ZNF385D: variants seen among roughly 807,000 people sequenced by gnomAD.
The protein encoded by ZNF385D is zinc finger protein 385D.
A neutral mutation model predicts 35.8 loss-of-function variants in ZNF385D; 15 were observed. The ratio of observed to expected loss-of-function variants is 0.42; its 90% CI spans 0.28 to 0.64. ZNF385D has a LOEUF of 0.64. ZNF385D is among the 30% of genes least tolerant of loss of function. The pLI is 0.23. For missense variants in ZNF385D, 474 were observed against 494.6 expected (o/e 0.96, Z 0.39); for synonymous variants, 212 against 186.8 (o/e 1.13, Z -1.10).
intron 3 of ZNF385D, among the ~76,000 whole-genome samples, chr3:22,130,609 G>C (rs539568771): frequency 6.6e-6 from 1 of 152,094 alleles, no homozygotes; most frequent in African/African-American, 2.4e-5. Flanking sequence ...CAATTTCCCA[G>C]TGAAAACTTC....
At chr3:22,064,967 A>G (rs574425169) in intron 3 of ZNF385D, among the ~76,000 whole-genome samples, 17 of 152,316 alleles carry the variant, frequency 1.1e-4, no homozygotes, top group African/African-American at 3.6e-4. Flanking sequence ...GCCATGCACA[A>G]ATTATATTAT....
chr3:22,030,580 G>C (rs957037445), intron 3 of ZNF385D, among the ~76,000 whole-genome samples: 2 of 151,680 alleles, frequency 1.3e-5, no homozygotes, highest in African/African-American at 4.8e-5. Context: ...GAACAGCATG[G>C]AGGAAACCAT....
intron 2 of ZNF385D, among the ~76,000 whole-genome samples, chr3:22,315,439 G>T (rs1389663): frequency 0.35 from 52,993 of 152,034 alleles, 9,790 homozygotes; most frequent in Non-Finnish European, 0.41. Context: ...GATGAGCTAC[G>T]CAGAGAATAG....
At chr3:21,592,712 G>A (rs17009100) in intron 2 of ZNF385D, among the ~76,000 whole-genome samples, 29,128 of 152,078 alleles carry the variant, frequency 0.19, 3,121 homozygotes, top group African/African-American at 0.29. Context: ...GGCAACTTCT[G>A]TTTTAGGAAT....
intron 3 of ZNF385D, among the ~76,000 whole-genome samples, chr3:21,884,077 G>C (rs1050493751): frequency 1.3e-5 from 2 of 151,984 alleles, no homozygotes; most frequent in Non-Finnish European, 2.9e-5. Context: ...GGTTTGCAAA[G>C]AAAAGGGAGA....
chr3:21,853,659 A>C (rs1696533292), intron 3 of ZNF385D, among the ~76,000 whole-genome samples: 1 of 151,762 alleles, frequency 6.6e-6, no homozygotes, highest in African/African-American at 2.4e-5. Context: ...TGGAAGAATG[A>C]ATTTTGAGCC....
At chr3:21,616,814 T>C (rs1051158623) in intron 2 of ZNF385D, among the ~76,000 whole-genome samples, 2 of 152,190 alleles carry the variant, frequency 1.3e-5, no homozygotes, top group Non-Finnish European at 2.9e-5. Flanking sequence ...AGATGAAAAT[T>C]ACTAACACAG....
intron 2 of ZNF385D, among the ~76,000 whole-genome samples, chr3:22,192,787 G>A (rs954316455): frequency 3.3e-5 from 5 of 152,100 alleles, no homozygotes; most frequent in African/African-American, 1.2e-4. Flanking sequence ...AGATGGGGGT[G>A]GAATTCTGCC....
At chr3:22,283,575 T>C (rs572430798) in intron 2 of ZNF385D, among the ~76,000 whole-genome samples, 1 of 152,278 alleles carries the variant, frequency 6.6e-6, no homozygotes, top group African/African-American at 2.4e-5. Context: ...CCAGAATATA[T>C]AAAGCTGAAA....
At chr3:21,773,873 G>A (rs530783240) in intron 3 of ZNF385D, among the ~76,000 whole-genome samples, 1 of 151,956 alleles carries the variant, frequency 6.6e-6, no homozygotes, top group African/African-American at 2.4e-5. Flanking sequence ...ATTCCTCAAA[G>A]ACCTAGAGGC....
Position 21,817,684 on chromosome 3 carries a change from G to A in ZNF385D, c.326-152656C>T, listed in dbSNP as rs2125723930. ...AAAAAGTTGGGAAACAACAGGTGCTGGAGAGGATGTGGAGAAATAGGAACA... is the reference window on the plus strand; with the variant it reads ...AAAAAGTTGGGAAACAACAGGTGCTAGAGAGGATGTGGAGAAATAGGAACA... On this transcript the variant is annotated intron_variant, in intron 3 of 5. Coordinates refer to the ZNF385D transcript ENST00000494108. 1.3e-5 allele frequency among the ~76,000 whole-genome samples: 2 copies of A among 152,300 alleles called. 1 individual carries two copies. Among genetic ancestry groups the A allele is most frequent in the East Asian group, 3.9e-4 (2 of 5,170 alleles).
At chr3:22,274,162 A>T (rs1701313188) in intron 2 of ZNF385D, among the ~76,000 whole-genome samples, 1 of 151,894 alleles carries the variant, frequency 6.6e-6, no homozygotes, top group South Asian at 2.1e-4. Context: ...TCTTCCCTCC[A>T]TTTTTAGTTC....
chr3:21,880,783 C>A (rs896633972), intron 3 of ZNF385D, among the ~76,000 whole-genome samples: 4 of 151,702 alleles, frequency 2.6e-5, no homozygotes, highest in African/African-American at 9.7e-5. Flanking sequence ...GTTGTGAACG[C>A]AAAGGAAAAC....
chr3:21,683,586 C>A (rs2066985141), intron 1 of ZNF385D, among the ~76,000 whole-genome samples: 1 of 149,322 alleles, frequency 6.7e-6, no homozygotes, highest in African/African-American at 2.5e-5. Flanking sequence ...CACTGCACTC[C>A]AGCCTGGGTG....
intron 2 of ZNF385D, among the ~76,000 whole-genome samples, chr3:22,171,868 C>A (rs1694468519): frequency 8.4e-6 from 1 of 119,126 alleles, no homozygotes; most frequent in Non-Finnish European, 1.6e-5. Context: ...CAGAGCAAGA[C>A]TCGGTCTCAA....
rs562979154 is a variant in ZNF385D, at chr3:22,192,088, A to T, written c.107-23053T>A. Among the ~76,000 whole-genome samples the T allele has an allele frequency of 3.9e-5, 6 of 152,222 alleles. No homozygotes were observed. In the South Asian group the frequency reaches 6.2e-4, roughly 16 times the overall value. On this transcript the variant is annotated intron_variant, in intron 2 of 5. Transcript: ENST00000494108. ...CCCACTTACTCAAGTGATTCTTTCA[A>T]CGATAGTGCCCTGTCCCTAACCTCA...
At chr3:22,012,776 G>T (rs1696658094) in intron 3 of ZNF385D, among the ~76,000 whole-genome samples, 1 of 152,078 alleles carries the variant, frequency 6.6e-6, no homozygotes, top group African/African-American at 2.4e-5. Context: ...TCCATAAGCT[G>T]CTTAGCACAT....
intron 3 of ZNF385D, among the ~76,000 whole-genome samples, chr3:22,132,163 T>G (rs1703838409): frequency 6.6e-6 from 1 of 152,116 alleles, no homozygotes; most frequent in Non-Finnish European, 1.5e-5. Flanking sequence ...TTAACCCCTG[T>G]GGTGATGGTA....
intron 3 of ZNF385D, among the ~76,000 whole-genome samples, chr3:21,813,947 A>G (rs926353606): frequency 6.6e-6 from 1 of 152,208 alleles, no homozygotes. Flanking sequence ...AAGGGCAGCC[A>G]GAGAGAAAGG....
Sources: allele counts gnomAD v4.1 joint callset (sites outside exome capture counted in the v4.1 genomes callset), GRCh38; gene constraint gnomAD v4.1.1; transcripts MANE v1.5; gene names NCBI Gene and HGNC (gene_info 2026-07-23, HGNC 2026-07-21).